The following ACAD11 variants were observed in gnomAD, a reference collection of about 807,000 sequenced individuals.
ACAD11 encodes acyl-CoA dehydrogenase family member 11.
A neutral mutation model predicts 102.2 loss-of-function variants in ACAD11; 83 were observed. That is an observed-to-expected ratio of 0.81 (90% CI 0.68 to 0.97). ACAD11 has a LOEUF of 0.97. Among genes scored for constraint, ACAD11 ranks in the 50% least tolerant of loss-of-function variants. The pLI is 0.00. For missense variants in ACAD11, 901 were observed against 951.7 expected (o/e 0.95, Z 0.70); for synonymous variants, 324 against 319.8 (o/e 1.01, Z -0.14).
At chr3:132,641,605 G>A (rs79060120) in intron 4 of ACAD11, among the ~76,000 whole-genome samples, 74 of 115,190 alleles carry the variant, frequency 6.4e-4, no homozygotes, top group African/African-American at 1.8e-3. Context: ...AAGAAGAAGA[G>A]GAGGAAGAAG....
chr3:132,619,034 TC>T, intron 10 of ACAD11: 1 of 356,318 alleles, frequency 2.8e-6, no homozygotes, highest in Non-Finnish European at 4.9e-6. Context: ...CTTGAGAACT[TC>T]TTCTGGAATC....
chr3:132,598,382 T>C (rs1044516988), intron 13 of ACAD11, among the ~76,000 whole-genome samples: 1 of 152,230 alleles, frequency 6.6e-6, no homozygotes, highest in Non-Finnish European at 1.5e-5. Flanking sequence ...GTAACAGCTT[T>C]ATACCTGTTG....
intron 13 of ACAD11, among the ~76,000 whole-genome samples, chr3:132,587,935 T>C (rs925149299): frequency 3.9e-5 from 6 of 152,308 alleles, no homozygotes; most frequent in African/African-American, 1.4e-4. Flanking sequence ...GCTCCCCTTT[T>C]CTGGCTTTTT....
Position 132,630,527 on chromosome 3 carries a change from T to C in ACAD11, c.873A>G (p.Ile291Met), listed in dbSNP as rs751925615. Residue 291 changes from isoleucine to methionine, a missense_variant, in exon 7 of 20, where the codon ATA becomes ATG. Physicochemically the swap from Ile to Met is conservative, Grantham distance 10. Coordinates refer to ENST00000264990, the MANE Select transcript of ACAD11 (RefSeq NM_032169.5). The stretch of plus-strand genomic sequence containing the variant: ...AATTAATTCCCCTGCAGCGGCAATA[T>C]ATTGAAATCAGTTCTTCCATTGATG... Reference protein sequence around the residue: ...GIPSMEELISIYCRCRGINSI... With the variant: ...GIPSMEELISMYCRCRGINSI... 6.2e-7 allele frequency: 1 copy of C among 1,612,268 alleles called. No homozygotes were observed. The highest frequency in any genetic ancestry group is 1.3e-5 in the African/African-American group (1 of 74,838).
At chr3:132,622,008 CAAT>C (rs1939628261) in intron 9 of ACAD11, among the ~76,000 whole-genome samples, 1 of 143,728 alleles carries the variant, frequency 7.0e-6, no homozygotes, top group Non-Finnish European at 1.5e-5. Context: ...CCACATAAAA[CAAT>C]AACAATCACT....
At chr3:132,630,599 C>T (rs1553764891) in intron 6 of ACAD11, 41 bp from the exon 7 acceptor site, 12 of 1,549,416 alleles carry the variant, frequency 7.7e-6, no homozygotes, top group South Asian at 2.4e-5. Context: ...ATTAAAATGT[C>T]GTGGTGAATA....
chr3:132,565,962 C>A lies in ACAD11; in HGVS notation c.2002-4745G>T, dbSNP rs540757713. Among the ~76,000 whole-genome samples the A allele has an allele frequency of 2.6e-5, 4 of 152,164 alleles. No homozygotes were observed. In the East Asian group the frequency reaches 7.7e-4, roughly 29 times the overall value. ...TATAAATCACCCAGTCTCAGGTATT[C>A]CTTAATAGCACTATAAAATGGACTA... On this transcript the variant is annotated intron_variant, in intron 17 of 19. Coordinates refer to ENST00000264990, the MANE Select transcript of ACAD11 (RefSeq NM_032169.5).
chr3:132,570,693 G>A (rs908378765), intron 17 of ACAD11, among the ~76,000 whole-genome samples: 2 of 151,962 alleles, frequency 1.3e-5, no homozygotes, highest in Non-Finnish European at 2.9e-5. Context: ...TACCATGTCT[G>A]TTATTTCCCT....
At position 132,559,088 on chromosome 3, in the gene ACAD11, GA is replaced by G; in HGVS notation, c.2229-4del. 6.2e-7 allele frequency: 1 copy of G among 1,605,728 alleles called. No individual in the cohort carries two copies. Among genetic ancestry groups the G allele is most frequent in the Non-Finnish European group, 8.5e-7 (1 of 1,172,974 alleles). On this transcript the variant is annotated splice_region_variant and splice_polypyrimidine_tract_variant and intron_variant, in intron 19 of 19. Transcript: ENST00000264990. Reference sequence around the variant, plus strand: ...GCAAAACTCGGGTTATAGCATACCTGAAAAAGCAAAAGAATCAGGGAACACA... The same window carrying G: ...GCAAAACTCGGGTTATAGCATACCTGAAAAGCAAAAGAATCAGGGAACACA...
chr3:132,593,313 G>A (rs1317198467), intron 13 of ACAD11, among the ~76,000 whole-genome samples: 8 of 151,890 alleles, frequency 5.3e-5, no homozygotes, highest in Non-Finnish European at 1.2e-4. Context: ...TATACAGATG[G>A]GCAAAGAACA....
At chr3:132,630,939 T>C (rs1940013821) in intron 6 of ACAD11, among the ~76,000 whole-genome samples, 1 of 152,042 alleles carries the variant, frequency 6.6e-6, no homozygotes, top group Non-Finnish European at 1.5e-5. Flanking sequence ...GGCATGGTGG[T>C]GTGTGCCTGT....
intron 13 of ACAD11, chr3:132,602,137 G>GT (rs779629973): frequency 2.9e-4 from 48 of 164,200 alleles, no homozygotes; most frequent in South Asian, 6.4e-4. Context: ...CTTTTTTCCT[G>GT]TTTTTTTTAA....
At chr3:132,584,655 C>T (rs186231863) in intron 13 of ACAD11, among the ~76,000 whole-genome samples, 7 of 152,228 alleles carry the variant, frequency 4.6e-5, no homozygotes, top group African/African-American at 1.7e-4. Context: ...TTCCTAGCCT[C>T]GATGGTCTTT....
At chr3:132,587,098 C>CA (rs1253642758) in intron 13 of ACAD11, among the ~76,000 whole-genome samples, 4 of 151,796 alleles carry the variant, frequency 2.6e-5, no homozygotes, top group African/African-American at 9.7e-5. Flanking sequence ...AACTCTGTCT[C>CA]AAAAAAGAAC....
chr3:132,643,776 G>A (rs1410364418), intron 2 of ACAD11, among the ~76,000 whole-genome samples: 6 of 152,154 alleles, frequency 3.9e-5, no homozygotes, highest in Admixed American at 6.5e-5. Flanking sequence ...GAAGCAAAAA[G>A]TGGATCACAG....
chr3:132,582,910 A>G (rs1015173835), intron 13 of ACAD11, among the ~76,000 whole-genome samples: 2 of 152,154 alleles, frequency 1.3e-5, no homozygotes, highest in Non-Finnish European at 2.9e-5. Flanking sequence ...TTTATATACG[A>G]CTAAAAAGGA....
chr3:132,562,257 C>T (rs1056117329), intron 17 of ACAD11, among the ~76,000 whole-genome samples: 1 of 152,200 alleles, frequency 6.6e-6, no homozygotes, highest in African/African-American at 2.4e-5. Flanking sequence ...GCGCCCATCA[C>T]CATGCCTGGC....
intron 18 of ACAD11, among the ~76,000 whole-genome samples, chr3:132,560,225 G>A (rs1365558111): frequency 6.6e-6 from 1 of 152,098 alleles, no homozygotes; most frequent in Non-Finnish European, 1.5e-5. Context: ...CATCACCTTA[G>A]GGATCATAAA....
chr3:132,643,480 G>T (rs1940599180), intron 2 of ACAD11, among the ~76,000 whole-genome samples: 1 of 152,208 alleles, frequency 6.6e-6, no homozygotes, highest in Admixed American at 6.5e-5. Flanking sequence ...CAAGGGCAGA[G>T]CTGTTGATGC....
Sources: allele counts gnomAD v4.1 joint callset (sites outside exome capture counted in the v4.1 genomes callset), GRCh38; gene constraint gnomAD v4.1.1; transcripts MANE v1.5; gene names NCBI Gene and HGNC (gene_info 2026-07-23, HGNC 2026-07-21).